Variants in GGNBP2 observed in about 807,000 individuals in gnomAD.
GGNBP2 encodes the protein gametogenetin binding protein 2, also known as gametogenetin-binding protein 2.
In GGNBP2, 10 loss-of-function variants were observed where a neutral mutation model predicts 85.9. The observed-to-expected ratio is 0.12, with a 90% confidence interval of 0.07 to 0.20. The LOEUF (loss-of-function observed/expected upper bound fraction) is 0.20. GGNBP2 is among the 10% of genes least tolerant of loss of function. The pLI, the probability that GGNBP2 is intolerant of heterozygous loss-of-function variation, is 1.00. For missense variants in GGNBP2, 595 were observed against 857.8 expected (o/e 0.69, Z 3.83); for synonymous variants, 287 against 285.7 (o/e 1.00, Z -0.05).
At chr17:36,575,640 ATATATATAT>A (rs1263407152) in intron 6 of GGNBP2, among the ~76,000 whole-genome samples, 183 of 50,032 alleles carry the variant, frequency 3.7e-3, no homozygotes, top group East Asian at 7.0e-3. Context: ...ATATATATAT[ATATATATAT>A]TTTTTTTTTT....
intron 2 of GGNBP2, 77 bp downstream of exon 2, chr17:36,545,894 C>A: frequency 9.8e-7 from 1 of 1,024,788 alleles, no homozygotes. Flanking sequence ...CCAGGCCGAG[C>A]GCTGCGCACT....
intron 6 of GGNBP2, among the ~76,000 whole-genome samples, chr17:36,572,373 C>T (rs913505263): frequency 6.6e-6 from 1 of 152,018 alleles, no homozygotes; most frequent in Non-Finnish European, 1.5e-5. Context: ...ACTTTCTGTT[C>T]CTGCGCGCGT....
chr17:36,581,256 G>C (rs1368539756), intron 8 of GGNBP2, 88 bp from the exon 9 acceptor site: 3 of 889,730 alleles, frequency 3.4e-6, no homozygotes, highest in Non-Finnish European at 5.2e-6. Flanking sequence ...CTGCACTCCA[G>C]TCTGGGCGAC....
chr17:36,569,478 T>C (rs2074501661), intron 6 of GGNBP2, among the ~76,000 whole-genome samples: 1 of 152,182 alleles, frequency 6.6e-6, no homozygotes, highest in African/African-American at 2.4e-5. Context: ...TGTTTAAATT[T>C]GTTACAAGTT....
At position 36,585,828 on chromosome 17, in the gene GGNBP2, A is replaced by G; in HGVS notation, c.1367-12A>G. 6.2e-7 allele frequency: 1 copy of G among 1,611,094 alleles called. No individual in the cohort carries two copies. The highest frequency in any genetic ancestry group is 8.5e-7 in the Non-Finnish European group (1 of 1,177,742). On this transcript the variant is annotated splice_polypyrimidine_tract_variant and intron_variant, in intron 10 of 13. Transcript: ENST00000613102. ...GTATGTTAATAGTAACTCTCACTTGATTTATTCTCAGGCTTATCTCCACAC... is the reference window on the plus strand; with the variant it reads ...GTATGTTAATAGTAACTCTCACTTGGTTTATTCTCAGGCTTATCTCCACAC...
At chr17:36,576,591 ATATATGTGTGTGTGTGTGTGTG>A (rs2074589082) in intron 6 of GGNBP2, 1 of 49,186 alleles carries the variant, frequency 2.0e-5, no homozygotes, top group South Asian at 7.7e-4. Context: ...AAAAATATAT[ATATATGTGTGTGTGTGTGTGTG>A]TGTGTGTGTG....
At chr17:36,574,749 T>G in intron 6 of GGNBP2, 1 of 627,334 alleles carries the variant, frequency 1.6e-6, no homozygotes, top group Non-Finnish European at 2.8e-6. Context: ...CCTCTGGGCG[T>G]AGGGATGAGG....
At chr17:36,565,390 A>G (rs1249456559) in intron 5 of GGNBP2, among the ~76,000 whole-genome samples, 2 of 152,176 alleles carry the variant, frequency 1.3e-5, no homozygotes, top group African/African-American at 4.8e-5. Flanking sequence ...AATAGAAGGC[A>G]TAAGGTCTAG....
At chr17:36,570,336 C>G (rs1199541750) in intron 6 of GGNBP2, among the ~76,000 whole-genome samples, 1 of 152,128 alleles carries the variant, frequency 6.6e-6, no homozygotes, top group African/African-American at 2.4e-5. Flanking sequence ...TCACAGTGGC[C>G]GTGATTGTAC....
chr17:36,568,135 A>G (rs182664295), intron 6 of GGNBP2, among the ~76,000 whole-genome samples: 7 of 152,234 alleles, frequency 4.6e-5, no homozygotes, highest in Admixed American at 3.3e-4. Context: ...CATGTTGGCC[A>G]GGATGGTTTA....
chr17:36,550,495 T>C (rs1390649654), intron 2 of GGNBP2, among the ~76,000 whole-genome samples: 1 of 152,232 alleles, frequency 6.6e-6, no homozygotes, highest in African/African-American at 2.4e-5. Context: ...TAACAGTTAA[T>C]TTTACTGAGG....
intron 13 of GGNBP2, chr17:36,587,553 A>T: frequency 3.3e-6 from 1 of 305,478 alleles, no homozygotes; most frequent in Non-Finnish European, 6.3e-6. Context: ...TTGAAAATAC[A>T]TTCAACATCC....
intron 2 of GGNBP2, among the ~76,000 whole-genome samples, chr17:36,553,922 C>T (rs755773765): frequency 6.6e-6 from 1 of 152,072 alleles, no homozygotes. Context: ...ATAGTGAAGC[C>T]TCCTTAAGTT....
Position 36,557,261 on chromosome 17 carries a change from C to T in GGNBP2, c.353C>T (p.Pro118Leu). The T allele has an allele frequency of 1.9e-6, 3 of 1,613,892 alleles. No individual in the cohort carries two copies. Among genetic ancestry groups the T allele is most frequent in the Non-Finnish European group, 2.5e-6 (3 of 1,179,906 alleles). The change falls in exon 4 of 14, where the codon CCC becomes CTC. Residue 118 changes from proline to leucine, a missense_variant. Transcript: ENST00000613102. ...GCTCTTGAACCCCTAACAGTAGGGC[C>T]CAAGGGAGTCCTGTCTGTAACTAGA... ...NPALEPLTVG[P>L]KGVLSVTRSC...
chr17:36,578,072 C>G lies in GGNBP2; in HGVS notation c.731C>G (p.Ala244Gly). 1.9e-6 allele frequency: 3 copies of G among 1,614,062 alleles called. No individual in the cohort carries two copies. The highest frequency in any genetic ancestry group is 2.5e-6 in the Non-Finnish European group (3 of 1,179,920). Residue 244 changes from alanine to glycine, a missense_variant, in exon 7 of 14, where the codon GCT becomes GGT. Coordinates refer to ENST00000613102, the MANE Select transcript of GGNBP2 (RefSeq NM_024835.5). Reference protein sequence around the residue: ...LDCSKEKGYCAALYEGLRCCP... With the variant: ...LDCSKEKGYCGALYEGLRCCP... ...TGCAGCAAAGAAAAGGGCTACTGTG[C>G]TGCACTTTATGAAGGCTTGCGGTGC...
At chr17:36,548,103 A>G (rs928258753) in intron 2 of GGNBP2, among the ~76,000 whole-genome samples, 1 of 152,352 alleles carries the variant, frequency 6.6e-6, no homozygotes, top group South Asian at 2.1e-4. Context: ...CTTTGTCCCT[A>G]GGGTCTGTAG....
In GGNBP2 at chr17:36,556,751, C is replaced by CTT. The variant is rs10544073; in HGVS notation, c.175-304_175-303dup. 8.2e-3 allele frequency among the ~76,000 whole-genome samples: 432 copies of CTT among 52,822 alleles called. 77 individuals carry two copies. Among genetic ancestry groups the CTT allele is most frequent in the African/African-American group, 0.017 (269 of 15,848 alleles). 34.7% of individuals were successfully genotyped at this position (52,822 alleles called of 152,430 possible). A position where few individuals can be genotyped will look rare whatever the true frequency, so the allele number is the denominator to read the frequency against. ...AAAAAAAAGGTACAGCTGTATTGTG[C>CTT]TTTTTTTTTTTTTTTTTTTTTTTTT... On this transcript the variant is annotated intron_variant, in intron 3 of 13. Transcript: ENST00000613102.
chr17:36,588,830 T>C (rs2074729936), intron 13 of GGNBP2, among the ~76,000 whole-genome samples: 1 of 152,228 alleles, frequency 6.6e-6, no homozygotes, highest in Non-Finnish European at 1.5e-5. Context: ...GGTTATCTTT[T>C]ACTTAGTTTG....
At chr17:36,564,997 A>G (rs2074454655) in intron 5 of GGNBP2, among the ~76,000 whole-genome samples, 1 of 152,200 alleles carries the variant, frequency 6.6e-6, no homozygotes, top group South Asian at 2.1e-4. Flanking sequence ...GTTATGTAAG[A>G]TCACCTAAAG....
Sources: gnomAD v4.1 joint callset for allele counts (sites outside exome capture counted in the v4.1 genomes callset) on GRCh38, gnomAD v4.1.1 for gene constraint, MANE v1.5 for transcripts, NCBI Gene and HGNC (gene_info 2026-07-23, HGNC 2026-07-21) for gene names.